ACOX3: variants seen among roughly 807,000 people sequenced by gnomAD.
The protein encoded by ACOX3 is peroxisomal acyl-coenzyme A oxidase 3.
Under a neutral mutation model 81.5 loss-of-function variants are expected in ACOX3, and 73 were observed. That is an observed-to-expected ratio of 0.90 (90% CI 0.74 to 1.09). The LOEUF is 1.09. ACOX3 is among the 50% of genes least tolerant of loss of function. The pLI is 0.00. For missense variants in ACOX3, 947 were observed against 928.0 expected, an observed-to-expected ratio of 1.02 and a Z score of -0.27; for synonymous variants, 387 against 375.1, an observed-to-expected ratio of 1.03 and a Z score of -0.37.
intron 14 of ACOX3, among the ~76,000 whole-genome samples, chr4:8,377,369 C>A (rs574493234): frequency 6.6e-6 from 1 of 152,176 alleles, no homozygotes; most frequent in East Asian, 1.9e-4. Context: ...AGACATGCTG[C>A]GGGGGCCAGA....
the ACOX3 span, among the ~76,000 whole-genome samples, chr4:8,359,176 C>T: frequency 6.6e-6 from 1 of 152,098 alleles, no homozygotes; most frequent in Non-Finnish European, 1.5e-5. This position sits in a 1 kb window ranked among gnomAD's most constrained non-coding sequence, Gnocchi z 6.0. Context: ...GGTCTGGTAA[C>T]GTCTTTCTGG....
At chr4:8,418,604 C>T (rs1722597455) in intron 1 of ACOX3, among the ~76,000 whole-genome samples, 1 of 152,182 alleles carries the variant, frequency 6.6e-6, no homozygotes, top group Non-Finnish European at 1.5e-5. Flanking sequence ...CACGCTCACA[C>T]CTGTAATCCC....
Position 8,368,763 on chromosome 4 carries a change from CT to C in ACOX3, c.1984-1684del, listed in dbSNP as rs1235921163. Among the ~76,000 whole-genome samples, 6 of 151,656 alleles carry C rather than the reference CT, an allele frequency of 4.0e-5. No individual in the cohort carries two copies. Among genetic ancestry groups the C allele is most frequent in the Non-Finnish European group, 1.5e-5 (1 of 67,946 alleles). On this transcript the variant is annotated intron_variant, in intron 17 of 17. Coordinates refer to ENST00000356406, the MANE Select transcript of ACOX3 (RefSeq NM_003501.3). The surrounding 1 kb of genome is among the most constrained non-coding windows in gnomAD (Gnocchi z 5.9). ...TTTTTTTTTGAGATGAGGTCTCACC[CT>C]GTTGGCCAGGCTGGAGTGCAGTGGC... is the stretch of plus-strand genomic sequence containing the variant.
chr4:8,397,929 G>C (rs1279344114), intron 8 of ACOX3, among the ~76,000 whole-genome samples: 1 of 152,260 alleles, frequency 6.6e-6, no homozygotes, highest in African/African-American at 2.4e-5. Context: ...GGGAGGCTGA[G>C]GTGGGCAGAT....
intron 8 of ACOX3, among the ~76,000 whole-genome samples, 174 bp from the exon 9 acceptor site, chr4:8,397,293 G>C (rs968964641): frequency 6.6e-6 from 1 of 152,234 alleles, no homozygotes; most frequent in African/African-American, 2.4e-5. Context: ...GGCGGGTAGA[G>C]ATGTCACTGA....
At chr4:8,361,234 T>C in the ACOX3 span, among the ~76,000 whole-genome samples, 8 of 151,724 alleles carry the variant, frequency 5.3e-5, no homozygotes, top group African/African-American at 1.5e-4. Context: ...CCATCCTGGC[T>C]AACACGGTGA....
downstream of ACOX3, among the ~76,000 whole-genome samples, chr4:8,365,754 G>T (rs540537880): frequency 7.2e-5 from 11 of 152,328 alleles, no homozygotes; most frequent in East Asian, 1.7e-3. Flanking sequence ...GATGTGGTGG[G>T]GGGGTGGTGT....
chr4:8,383,735 C>T (rs1278526610), intron 13 of ACOX3, among the ~76,000 whole-genome samples: 1 of 152,212 alleles, frequency 6.6e-6, no homozygotes. Context: ...CCCTTCAGGA[C>T]TTTACTGGAA....
At chr4:8,415,057 C>A (rs1452458939) in intron 3 of ACOX3, 129 bp from the exon 4 acceptor site, 3 of 873,332 alleles carry the variant, frequency 3.4e-6, no homozygotes, top group Non-Finnish European at 5.6e-6. Context: ...GCACTTTCCC[C>A]AAGGTGGAGA....
chr4:8,391,031 G>GTGTATA (rs57021460), intron 11 of ACOX3, among the ~76,000 whole-genome samples: 25,422 of 148,096 alleles, frequency 0.17, 2,248 homozygotes, highest in African/African-American at 0.19. Context: ...GTATATGTAT[G>GTGTATA]TGTATATGTA....
At position 8,392,377 on chromosome 4, in the gene ACOX3, AT is replaced by A; in HGVS notation, c.1255del (p.Ile419PhefsTer16). The A allele has an allele frequency of 6.2e-7, 1 of 1,608,364 alleles. No individual in the cohort carries two copies. The highest frequency in any genetic ancestry group is 8.5e-7 in the Non-Finnish European group (1 of 1,178,122). On this transcript the variant is annotated frameshift_variant, in exon 11 of 18. Coordinates refer to ENST00000356406, the MANE Select transcript of ACOX3 (RefSeq NM_003501.3). LOFTEE classifies it high-confidence loss of function. ...PLASWTTQQGIQECREACGGH... is the reference protein window; with the variant it reads ...PLASWTTQQGXQECREACGGH... ...TCCACACGCCTCCCGGCATTCCTGAATTCCTTGCTGGGTGGTCCACGAGGCC... is the reference window on the plus strand; with the variant it reads ...TCCACACGCCTCCCGGCATTCCTGAATCCTTGCTGGGTGGTCCACGAGGCC...
intron 7 of ACOX3, among the ~76,000 whole-genome samples, chr4:8,401,122 G>A (rs76834990): frequency 0.07 from 10,561 of 151,944 alleles, 724 homozygotes; most frequent in African/African-American, 0.18. Flanking sequence ...ATCTAATGCC[G>A]CCACCGATCT....
chr4:8,438,044 A>G (rs2386227), intron 1 of ACOX3, among the ~76,000 whole-genome samples: 108,425 of 152,210 alleles, frequency 0.71, 39,451 homozygotes, highest in African/African-American at 0.86. Context: ...TTAAACAGGA[A>G]AAAGAGCCAT....
Position 8,389,174 on chromosome 4 carries a change from T to G in ACOX3, c.1536A>C (p.Ala512=). 6.2e-7 allele frequency: 1 copy of G among 1,613,336 alleles called. No individual in the cohort carries two copies. The highest frequency in any genetic ancestry group is 1.1e-5 in the South Asian group (1 of 90,948). Reference sequence around the variant, plus strand: ...GGAGCCCTCCACCTGTGTGTTTACCTGCAGAGTCCAAGCAGTCGGCAACAC... The same window carrying G: ...GGAGCCCTCCACCTGTGTGTTTACCGGCAGAGTCCAAGCAGTCGGCAACAC... ...VSSVADCLDS[A]VALAAYKWLV... The change falls in exon 13 of 18, where the codon GCA becomes GCC. Residue 512 remains alanine, a splice_region_variant and synonymous_variant. Coordinates refer to ENST00000356406, the MANE Select transcript of ACOX3 (RefSeq NM_003501.3). The surrounding 1 kb of genome is among the most constrained non-coding windows in gnomAD (Gnocchi z 5.3).
At chr4:8,402,302 G>A (rs1040521539) in intron 7 of ACOX3, among the ~76,000 whole-genome samples, 4 of 152,196 alleles carry the variant, frequency 2.6e-5, no homozygotes, top group Admixed American at 2.0e-4. Context: ...AGGAAGTGAA[G>A]GGCAGCGGGG....
At chr4:8,372,935 C>T (rs1418514430) in intron 16 of ACOX3, among the ~76,000 whole-genome samples, 1 of 152,226 alleles carries the variant, frequency 6.6e-6, no homozygotes, top group African/African-American at 2.4e-5. Context: ...GAGACCCTCA[C>T]TCACACAGCC....
chr4:8,401,938 A>G (rs1348087056), intron 7 of ACOX3, among the ~76,000 whole-genome samples: 4 of 152,024 alleles, frequency 2.6e-5, no homozygotes, highest in African/African-American at 9.7e-5. Context: ...TCAACCATCA[A>G]CGTTCCTGGT....
At position 8,389,109 on chromosome 4, in the gene ACOX3, G is replaced by T; in HGVS notation, c.1537+64C>A. Reference sequence around the variant, plus strand: ...AAGGGTCCCCTCACCGAGGCACGGTGCGTTTCCTGGTGGGAATGACAGGAA... The same window carrying T: ...AAGGGTCCCCTCACCGAGGCACGGTTCGTTTCCTGGTGGGAATGACAGGAA... On this transcript the variant is annotated intron_variant, in intron 13 of 17. Transcript: ENST00000356406. The surrounding 1 kb of genome is among the most constrained non-coding windows in gnomAD (Gnocchi z 5.3). 2 of 1,401,076 alleles carry T rather than the reference G, an allele frequency of 1.4e-6. No individual in the cohort carries two copies. Among genetic ancestry groups the T allele is most frequent in the Admixed American group, 1.8e-5 (1 of 56,442 alleles). The allele number at this position is 1,401,076 out of a possible 1,614,324, so 86.8% of individuals were successfully genotyped here. A position where few individuals can be genotyped will look rare whatever the true frequency, so the allele number is the denominator to read the frequency against.
intron 14 of ACOX3, among the ~76,000 whole-genome samples, chr4:8,375,679 G>GT (rs1221334004): frequency 6.6e-6 from 1 of 152,194 alleles, no homozygotes; most frequent in Non-Finnish European, 1.5e-5. Context: ...TCCCCCTGCC[G>GT]TAAGGCCCCC....
Sources: allele counts gnomAD v4.1 joint callset (sites outside exome capture counted in the v4.1 genomes callset), GRCh38; gene constraint gnomAD v4.1.1; non-coding constraint Gnocchi (gnomAD v3.1); transcripts MANE v1.5; gene names NCBI Gene and HGNC (gene_info 2026-07-23, HGNC 2026-07-21).